CRACD: variants seen among roughly 807,000 people sequenced by gnomAD.
CRACD encodes the protein capping protein-inhibiting regulator of actin dynamics.
In CRACD, 56 loss-of-function variants were observed where a neutral mutation model predicts 106.8. The observed-to-expected ratio is 0.52, with a 90% CI of 0.42 to 0.66. The LOEUF (loss-of-function observed/expected upper bound fraction) is 0.66, where lower values mean the gene tolerates loss of function less well. Ranked by LOEUF, CRACD falls within the 30% of genes least tolerant of loss-of-function variation. CRACD has a pLI of 0.00. For synonymous variants in CRACD, 754 were observed against 670.8 expected (o/e 1.12, Z -1.92); for missense variants, 1,730 against 1,623.2 (o/e 1.07, Z -1.13).
intron 1 of CRACD, among the ~76,000 whole-genome samples, chr4:56,133,898 T>G (rs1457412041): frequency 6.6e-6 from 1 of 152,086 alleles, no homozygotes; most frequent in Non-Finnish European, 1.5e-5. Flanking sequence ...TGTGAAAGAC[T>G]TCATGAATAA....
rs951942802 is a variant in CRACD, at chr4:56,330,236, G to C, written c.*2432G>C. Among the ~76,000 whole-genome samples, 1 of 151,222 alleles carries C rather than the reference G, an allele frequency of 6.6e-6. No individual in the cohort carries two copies. The highest frequency in any genetic ancestry group is 2.4e-5 in the African/African-American group (1 of 41,162). On this transcript the variant is annotated 3_prime_UTR_variant, in exon 11 of 11. Transcript: ENST00000682029. ...ACAAACATACACTTCTCCTGGCAAG[G>C]TTATAGATGATTAACCTCTGTTCAT...
At chr4:56,208,284 C>T (rs1416999974) in intron 2 of CRACD, among the ~76,000 whole-genome samples, 1 of 152,078 alleles carries the variant, frequency 6.6e-6, no homozygotes, top group Non-Finnish European at 1.5e-5. Flanking sequence ...ACCCAAGGTT[C>T]AAGGTCCTGA....
chr4:56,288,893 G>T (rs1743534214), intron 3 of CRACD, among the ~76,000 whole-genome samples: 1 of 152,208 alleles, frequency 6.6e-6, no homozygotes, highest in Non-Finnish European at 1.5e-5. Flanking sequence ...ATTGATGGAT[G>T]AATGTATAAA....
chr4:56,140,470 T>C (rs1210097877), intron 1 of CRACD, among the ~76,000 whole-genome samples: 1 of 152,222 alleles, frequency 6.6e-6, no homozygotes, highest in Admixed American at 6.5e-5. Flanking sequence ...CTCTGAAGCA[T>C]GCATACACAC....
At chr4:56,185,284 G>A (rs116021610) in intron 2 of CRACD, among the ~76,000 whole-genome samples, 3,040 of 152,196 alleles carry the variant, frequency 0.02, 49 homozygotes, top group Non-Finnish European at 0.026. Context: ...TATTCAGACT[G>A]TTTTGCACCC....
chr4:56,288,736 C>T (rs1016548974), intron 3 of CRACD, among the ~76,000 whole-genome samples: 11 of 150,580 alleles, frequency 7.3e-5, no homozygotes, highest in African/African-American at 2.4e-4. Flanking sequence ...GGACTTACGG[C>T]ACACCTATTT....
At chr4:56,088,132 C>CTTTTTTT (rs11305512) in intron 1 of CRACD, among the ~76,000 whole-genome samples, 8 of 131,930 alleles carry the variant, frequency 6.1e-5, no homozygotes, top group African/African-American at 5.7e-5. Context: ...TAGATTGTTT[C>CTTTTTTT]TTTTTTTTTT....
intron 2 of CRACD, among the ~76,000 whole-genome samples, chr4:56,219,675 C>T (rs928921307): frequency 6.6e-6 from 1 of 152,150 alleles, no homozygotes; most frequent in African/African-American, 2.4e-5. Flanking sequence ...ATTAGGAAAA[C>T]ATCCTGGTCA....
At position 56,160,663 on chromosome 4, in the gene CRACD, C is replaced by A. The variant is rs1056539831; in HGVS notation, c.-335-18621C>A. 1.3e-5 allele frequency among the ~76,000 whole-genome samples: 2 copies of A among 152,230 alleles called. 1 individual carries two copies. Among genetic ancestry groups the A allele is most frequent in the Non-Finnish European group, 2.9e-5 (2 of 68,050 alleles). ...ATCAGCTATGTTGTCTTTGGGCAAG[C>A]TGCTTAAACCTTGGGAGTCCCAGTT... On this transcript the variant is annotated intron_variant, in intron 1 of 10. Transcript: ENST00000682029.
intron 1 of CRACD, among the ~76,000 whole-genome samples, chr4:56,080,008 G>T (rs1418834397): frequency 2.0e-5 from 3 of 152,074 alleles, no homozygotes; most frequent in Non-Finnish European, 1.5e-5. Context: ...GTTATTAGCT[G>T]AGCGTTTCAT....
At chr4:56,128,899 A>G (rs1439633749) in intron 1 of CRACD, among the ~76,000 whole-genome samples, 1 of 152,196 alleles carries the variant, frequency 6.6e-6, no homozygotes, top group African/African-American at 2.4e-5. Flanking sequence ...TGTTTGGGTC[A>G]GTAAGAAAAA....
chr4:56,210,100 A>G (rs150902784), intron 2 of CRACD, among the ~76,000 whole-genome samples: 290 of 152,308 alleles, frequency 1.9e-3, no homozygotes, highest in African/African-American at 6.3e-3. Flanking sequence ...TCCAGACTTC[A>G]CCATGGCTAC....
chr4:56,082,099 T>C (rs1733052859), intron 1 of CRACD, among the ~76,000 whole-genome samples: 1 of 152,184 alleles, frequency 6.6e-6, no homozygotes, highest in Non-Finnish European at 1.5e-5. Flanking sequence ...AGAACCTTAG[T>C]ATAGGGTGGT....
intron 1 of CRACD, among the ~76,000 whole-genome samples, chr4:56,102,885 G>T (rs1055988692): frequency 9.9e-5 from 15 of 152,148 alleles, no homozygotes; most frequent in Non-Finnish European, 1.8e-4. Context: ...TCATTCTTGA[G>T]TGCTCAGCTC....
chr4:56,094,620 A>G (rs1399212953), intron 1 of CRACD, among the ~76,000 whole-genome samples: 2 of 151,982 alleles, frequency 1.3e-5, no homozygotes, highest in Non-Finnish European at 2.9e-5. Flanking sequence ...CACTCAGCTA[A>G]TTTTTGCATT....
intron 4 of CRACD, among the ~76,000 whole-genome samples, chr4:56,305,906 A>G (rs952427396): frequency 6.6e-6 from 1 of 152,238 alleles, no homozygotes; most frequent in African/African-American, 2.4e-5. Context: ...TTCTTGCGCC[A>G]GGGAACATCA....
At chr4:56,143,090 G>A (rs988576115) in intron 1 of CRACD, among the ~76,000 whole-genome samples, 10 of 151,376 alleles carry the variant, frequency 6.6e-5, no homozygotes, top group African/African-American at 9.7e-5. Context: ...AAATTGTTTG[G>A]CTTGATTGGA....
At chr4:56,210,279 A>G (rs531125137) in intron 2 of CRACD, among the ~76,000 whole-genome samples, 1 of 152,356 alleles carries the variant, frequency 6.6e-6, no homozygotes, top group South Asian at 2.1e-4. Flanking sequence ...TTTGTTATAT[A>G]GGTAAACTCG....
intron 1 of CRACD, among the ~76,000 whole-genome samples, chr4:56,071,382 G>A (rs36092812): frequency 0.33 from 50,537 of 152,030 alleles, 9,850 homozygotes; most frequent in African/African-American, 0.55. Context: ...TCTTGTTTTT[G>A]TCTTGGAGCT....
Sources: allele counts gnomAD v4.1 joint callset (sites outside exome capture counted in the v4.1 genomes callset), GRCh38; gene constraint gnomAD v4.1.1; transcripts MANE v1.5; gene names NCBI Gene and HGNC (gene_info 2026-07-23, HGNC 2026-07-21).